The following FNDC3A variants were observed in gnomAD, a reference collection of about 807,000 sequenced individuals.
FNDC3A encodes the protein fibronectin type-III domain-containing protein 3A.
FNDC3A carries 32 observed loss-of-function variants against 148.9 expected under a neutral mutation model. The observed-to-expected ratio is 0.21, with a 90% confidence interval of 0.16 to 0.29. The LOEUF is 0.29. Ranked by LOEUF, FNDC3A falls within the 10% of genes least tolerant of loss-of-function variation. The pLI is 1.00. For missense variants in FNDC3A, 1,191 were observed against 1,452.8 expected, an observed-to-expected ratio of 0.82 and a Z score of 2.93; for synonymous variants, 472 against 473.6, an observed-to-expected ratio of 1.00 and a Z score of 0.04.
In FNDC3A at chr13:49,136,134, G is replaced by T. The variant is rs538771771; in HGVS notation, c.491-198G>T. ...TCTCTGTAAATTTACTTGAGAGAGA[G>T]ATATATATAATTAGAATAAATCACA... On this transcript the variant is annotated intron_variant, in intron 5 of 25. Transcript: ENST00000492622. Among the ~76,000 whole-genome samples the T allele has an allele frequency of 5.5e-4, 84 of 152,186 alleles. 1 individual carries two copies. The South Asian group carries it at 9.5e-3, about 17-fold the overall frequency.
At chr13:49,050,267 G>A (rs1376304107) in intron 2 of FNDC3A, among the ~76,000 whole-genome samples, 4 of 152,156 alleles carry the variant, frequency 2.6e-5, no homozygotes, top group Non-Finnish European at 5.9e-5. Context: ...ACTTTTTGAT[G>A]TAGATATTTA....
chr13:49,082,604 A>C (rs1878551368), intron 3 of FNDC3A, among the ~76,000 whole-genome samples: 1 of 152,006 alleles, frequency 6.6e-6, no homozygotes, highest in Non-Finnish European at 1.5e-5. Context: ...TGAAGCTCTT[A>C]GGTGAGGCAG....
At chr13:49,045,645 A>G in intron 2 of FNDC3A, 1 of 841,136 alleles carries the variant, frequency 1.2e-6, no homozygotes. Context: ...GCTCTTCTAC[A>G]ATACATTTTT....
chr13:49,101,785 C>A (rs764826255), intron 3 of FNDC3A, among the ~76,000 whole-genome samples: 4 of 149,374 alleles, frequency 2.7e-5, no homozygotes, highest in Non-Finnish European at 4.4e-5. Flanking sequence ...TTGGACTATA[C>A]CTGCTTTAGT....
rs1361245469 is a variant in FNDC3A, at chr13:48,976,165, G to A, written c.-52G>A. 1 of 152,306 alleles carries A rather than the reference G, an allele frequency of 6.6e-6. No individual in the cohort carries two copies. The highest frequency in any genetic ancestry group is 2.4e-5 in the African/African-American group (1 of 41,444). The allele number at this position is 152,306 out of a possible 1,614,324, so 9.4% of individuals were successfully genotyped here. Reference sequence around the variant, plus strand: ...AGGAGCCGCCTTCTGCCTCAGAACGGCGTGACTCGGAGGTGAGAGCGCGGG... The same window carrying A: ...AGGAGCCGCCTTCTGCCTCAGAACGACGTGACTCGGAGGTGAGAGCGCGGG... On this transcript the variant is annotated 5_prime_UTR_variant, in exon 1 of 26. Coordinates refer to ENST00000492622, the MANE Select transcript of FNDC3A (RefSeq NM_001079673.2).
intron 1 of FNDC3A, among the ~76,000 whole-genome samples, chr13:49,001,785 A>G (rs1055987144): frequency 2.0e-5 from 3 of 152,184 alleles, no homozygotes; most frequent in Admixed American, 6.5e-5. Flanking sequence ...ATAAGATGTT[A>G]TCAATGACAG....
chr13:49,174,902 TAGAA>T (rs1884948372), intron 12 of FNDC3A, among the ~76,000 whole-genome samples: 1 of 152,202 alleles, frequency 6.6e-6, no homozygotes, highest in African/African-American at 2.4e-5. Flanking sequence ...CCAATTTAAA[TAGAA>T]AGGCCAAGTA....
At chr13:49,023,534 G>A (rs1873482043) in intron 2 of FNDC3A, among the ~76,000 whole-genome samples, 1 of 151,606 alleles carries the variant, frequency 6.6e-6, no homozygotes, top group African/African-American at 2.4e-5. Flanking sequence ...GAAACATAAT[G>A]GTCCTGGAAT....
intron 2 of FNDC3A, among the ~76,000 whole-genome samples, chr13:49,013,313 T>C (rs1168931102): frequency 6.6e-6 from 1 of 152,102 alleles, no homozygotes; most frequent in Non-Finnish European, 1.5e-5. Context: ...AGACCCAGTC[T>C]CATATTTTCA....
intron 2 of FNDC3A, among the ~76,000 whole-genome samples, chr13:49,056,881 C>T (rs1318625245): frequency 6.6e-6 from 1 of 151,990 alleles, no homozygotes; most frequent in Non-Finnish European, 1.5e-5. Context: ...TGTCTCTTTC[C>T]TAAAACCTTG....
At chr13:48,998,727 T>G (rs1952069316) in intron 1 of FNDC3A, among the ~76,000 whole-genome samples, 1 of 152,148 alleles carries the variant, frequency 6.6e-6, no homozygotes, top group Non-Finnish European at 1.5e-5. Flanking sequence ...TCTCAGCATG[T>G]CCATATTACA....
At chr13:49,085,577 T>A (rs558344624) in intron 3 of FNDC3A, among the ~76,000 whole-genome samples, 1 of 152,306 alleles carries the variant, frequency 6.6e-6, no homozygotes, top group East Asian at 1.9e-4. Context: ...TTGTGTCTAT[T>A]GTGTTGTAGA....
rs148900373 is a variant in FNDC3A, at chr13:49,185,752, G to A, written c.1618-212G>A. Reference sequence around the variant, plus strand: ...GGTTTTACACTTGTATTCCCAGGACGGACTCTAAAAGGGGAAGTACAGTTG... The same window carrying A: ...GGTTTTACACTTGTATTCCCAGGACAGACTCTAAAAGGGGAAGTACAGTTG... On this transcript the variant is annotated intron_variant, in intron 14 of 25. Coordinates refer to ENST00000492622, the MANE Select transcript of FNDC3A (RefSeq NM_001079673.2). Among the ~76,000 whole-genome samples the A allele has an allele frequency of 2.2e-3, 329 of 152,172 alleles. 3 individuals are homozygous for A. Among genetic ancestry groups the A allele is most frequent in the African/African-American group, 7.3e-3 (304 of 41,508 alleles).
Position 49,155,107 on chromosome 13 carries a change from T to C in FNDC3A, c.977+9172T>C, listed in dbSNP as rs1480289490. Among the ~76,000 whole-genome samples the C allele has an allele frequency of 2.8e-5, 4 of 145,384 alleles. 1 individual carries two copies. Among genetic ancestry groups the C allele is most frequent in the African/African-American group, 7.7e-5 (3 of 38,872 alleles). ...CAGAAGGAATGGTACCAGTTCCTCC[T>C]TGTACCTCTGATAGAATTCGGCTGT... On this transcript the variant is annotated intron_variant, in intron 8 of 25. Transcript: ENST00000492622.
chr13:49,121,053 C>T (rs1287559741), intron 4 of FNDC3A, among the ~76,000 whole-genome samples: 1 of 152,198 alleles, frequency 6.6e-6, no homozygotes, highest in Non-Finnish European at 1.5e-5. Flanking sequence ...TTCTTCTCAG[C>T]ACCACATCAC....
intron 1 of FNDC3A, among the ~76,000 whole-genome samples, chr13:48,997,066 GA>G (rs5803452): frequency 0.034 from 3,359 of 99,358 alleles, 40 homozygotes; most frequent in Middle Eastern, 0.081. Flanking sequence ...TCCGTCTCAA[GA>G]AAAAAAAAAA....
At chr13:49,101,653 T>C (rs1879861409) in intron 3 of FNDC3A, among the ~76,000 whole-genome samples, 1 of 152,172 alleles carries the variant, frequency 6.6e-6, no homozygotes. Context: ...ACAATCTCTT[T>C]CTGCAAATCA....
intron 1 of FNDC3A, among the ~76,000 whole-genome samples, chr13:48,988,719 C>T (rs1951850988): frequency 6.6e-6 from 1 of 151,146 alleles, no homozygotes; most frequent in African/African-American, 2.4e-5. Flanking sequence ...GGCATGGTGG[C>T]ACATGCCTGT....
chr13:49,049,716 CTTTTT>C (rs1875690838), intron 2 of FNDC3A, among the ~76,000 whole-genome samples: 1 of 117,280 alleles, frequency 8.5e-6, no homozygotes, highest in African/African-American at 2.8e-5. Context: ...CTTTTCTTTT[CTTTTT>C]TCTTTTTTCT....
Sources: gnomAD v4.1 joint callset for allele counts (sites outside exome capture counted in the v4.1 genomes callset) on GRCh38, gnomAD v4.1.1 for gene constraint, MANE v1.5 for transcripts, NCBI Gene and HGNC (gene_info 2026-07-23, HGNC 2026-07-21) for gene names.